The following PPP1R16B variants were observed in gnomAD, a reference collection of about 807,000 sequenced individuals.
The protein encoded by PPP1R16B is protein phosphatase 1 regulatory inhibitor subunit 16B.
A neutral mutation model predicts 61.7 loss-of-function variants in PPP1R16B; 14 were observed. The ratio of observed to expected loss-of-function variants is 0.23; its 90% CI spans 0.15 to 0.35. The LOEUF (loss-of-function observed/expected upper bound fraction) is 0.35, where lower values mean the gene tolerates loss of function less well. PPP1R16B is among the 10% of genes least tolerant of loss of function. PPP1R16B has a pLI of 1.00. For missense variants in PPP1R16B, 547 were observed against 752.5 expected (o/e 0.73, Z 3.19); for synonymous variants, 266 against 305.3 (o/e 0.87, Z 1.34).
In PPP1R16B at chr20:38,921,017, G is replaced by C. The variant is rs536347144; in HGVS notation, c.*2351G>C. The C allele has an allele frequency of 6.6e-6, 1 of 152,410 alleles. No individual in the cohort carries two copies. The highest frequency in any genetic ancestry group is 2.1e-4 in the South Asian group (1 of 4,830). 9.4% of individuals were successfully genotyped at this position (152,410 alleles called of 1,614,324 possible). ...TTTGCTCAGGGGCCAAACACTGAAG[G>C]CACGTACTGCCCAACCCACTGAGCG... On this transcript the variant is annotated 3_prime_UTR_variant, in exon 11 of 11. Transcript: ENST00000299824.
At chr20:38,867,684 T>C (rs528538300) in intron 2 of PPP1R16B, among the ~76,000 whole-genome samples, 3 of 151,680 alleles carry the variant, frequency 2.0e-5, no homozygotes, top group East Asian at 1.9e-4. Flanking sequence ...TTCTTTTTTT[T>C]CCCCCCGAGA....
At chr20:38,902,826 A>C in intron 6 of PPP1R16B, 34 bp downstream of exon 6, 1 of 1,613,514 alleles carries the variant, frequency 6.2e-7, no homozygotes, top group East Asian at 2.2e-5. Context: ...AACCAAGACC[A>C]GCTAGGTCCG....
At chr20:38,814,402 C>T (rs1471057020) in intron 1 of PPP1R16B, among the ~76,000 whole-genome samples, 1 of 152,114 alleles carries the variant, frequency 6.6e-6, no homozygotes, top group East Asian at 1.9e-4. Flanking sequence ...GGGTTTGATT[C>T]CTACCTCCAG....
intron 1 of PPP1R16B, among the ~76,000 whole-genome samples, chr20:38,830,197 T>G (rs1007080088): frequency 2.0e-5 from 3 of 152,254 alleles, no homozygotes; most frequent in Non-Finnish European, 4.4e-5. Context: ...CTCCCATGTG[T>G]CTGTGCCATC....
In PPP1R16B at chr20:38,918,323, G is replaced by A. The variant is rs753378652; in HGVS notation, c.1361G>A (p.Ser454Asn). 6.2e-7 allele frequency: 1 copy of A among 1,614,214 alleles called. No individual in the cohort carries two copies. Residue 454 changes from serine (S) to asparagine (N), a missense_variant, in exon 11 of 11, where the codon AGC (serine) becomes AAC (asparagine). Ser to Asn is a conservative substitution (Grantham distance 46). Coordinates refer to ENST00000299824, the MANE Select transcript of PPP1R16B (RefSeq NM_015568.4). The surrounding 1 kb of genome is among the most constrained non-coding windows in gnomAD (Gnocchi z 5.3). ...VWKVHEVPDY[S>N]MAYGNPGVAD... ...AAGGTGCATGAGGTGCCTGACTACAGCATGGCCTATGGCAACCCTGGCGTG... is the reference window on the plus strand; with the variant it reads ...AAGGTGCATGAGGTGCCTGACTACAACATGGCCTATGGCAACCCTGGCGTG...
At chr20:38,891,592 G>T (rs1281454267) in intron 3 of PPP1R16B, among the ~76,000 whole-genome samples, 3 of 152,176 alleles carry the variant, frequency 2.0e-5, no homozygotes, top group African/African-American at 7.2e-5. Context: ...CTGAAGTCAG[G>T]AGTTCAAGAC....
intron 1 of PPP1R16B, among the ~76,000 whole-genome samples, chr20:38,809,254 G>T (rs935029880): frequency 6.6e-6 from 1 of 151,774 alleles, no homozygotes; most frequent in African/African-American, 2.4e-5. Context: ...TGGGGCGGGG[G>T]TGGGGGCTCA....
At chr20:38,821,040 CA>C (rs11483114) in intron 1 of PPP1R16B, among the ~76,000 whole-genome samples, 132 of 121,548 alleles carry the variant, frequency 1.1e-3, no homozygotes, top group Non-Finnish European at 1.6e-3. Context: ...GACTCCGTCT[CA>C]AAAAAAAAAA....
chr20:38,912,447 C>G (rs2085499289), intron 10 of PPP1R16B, among the ~76,000 whole-genome samples: 2 of 143,808 alleles, frequency 1.4e-5, no homozygotes, highest in Non-Finnish European at 3.0e-5. Context: ...GTGGGAGGAT[C>G]TTCTGAGCCT....
chr20:38,918,054 G>C lies in PPP1R16B; in HGVS notation c.1195-103G>C. The C allele has an allele frequency of 6.9e-7, 1 of 1,449,240 alleles. No individual in the cohort carries two copies. The highest frequency in any genetic ancestry group is 9.4e-7 in the Non-Finnish European group (1 of 1,065,394). The allele number at this position is 1,449,240 out of a possible 1,614,324, so 89.8% of individuals were successfully genotyped here. On this transcript the variant is annotated intron_variant, in intron 10 of 10. Transcript: ENST00000299824. This position sits in a 1 kb window ranked among gnomAD's most constrained non-coding sequence, Gnocchi z 5.3. ...CCCCGATACCCAGGGAGAGAAAACA[G>C]ATAGAGGAAAAGTCCAAACAATAAT... is the stretch of plus-strand genomic sequence containing the variant.
At chr20:38,861,624 G>A (rs2085051383) in intron 2 of PPP1R16B, among the ~76,000 whole-genome samples, 1 of 150,860 alleles carries the variant, frequency 6.6e-6, no homozygotes. Context: ...TCAATCTGCT[G>A]TTGCCACTTG....
intron 2 of PPP1R16B, among the ~76,000 whole-genome samples, chr20:38,868,331 TA>T (rs970198752): frequency 1.2e-4 from 18 of 151,584 alleles, no homozygotes; most frequent in African/African-American, 3.1e-4. Context: ...TACATGCAGT[TA>T]AAAAAAATAC....
chr20:38,810,727 GA>G (rs1248901804), intron 1 of PPP1R16B, among the ~76,000 whole-genome samples: 1 of 152,162 alleles, frequency 6.6e-6, no homozygotes, highest in Non-Finnish European at 1.5e-5. Flanking sequence ...CATCGCCATT[GA>G]ATTCTCATAC....
chr20:38,821,400 A>G (rs1434907204), intron 1 of PPP1R16B, among the ~76,000 whole-genome samples: 1 of 152,228 alleles, frequency 6.6e-6, no homozygotes, highest in East Asian at 1.9e-4. Flanking sequence ...GGGAAGCACT[A>G]TGAAGCTCTG....
At position 38,836,107 on chromosome 20, in the gene PPP1R16B, G is replaced by T. The variant is rs1234041875; in HGVS notation, c.182G>T (p.Arg61Leu). Residue 61 changes from arginine (R) to leucine (L), a missense_variant, in exon 2 of 11, where the codon CGC becomes CTC. Physicochemically the swap from Arg to Leu is moderately radical, Grantham distance 102. Transcript: ENST00000299824. Reference sequence around the variant, plus strand: ...CGGAAGCGCAGCACGGGCGGCCGCCGCAAGAAAGTGTCCTTCGAGGCCAGC... The same window carrying T: ...CGGAAGCGCAGCACGGGCGGCCGCCTCAAGAAAGTGTCCTTCGAGGCCAGC... Reference protein sequence around the residue: ...HERKRSTGGRRKKVSFEASVA... With the variant: ...HERKRSTGGRLKKVSFEASVA... The T allele has an allele frequency of 1.2e-6, 2 of 1,612,388 alleles. No homozygotes were observed. Among genetic ancestry groups the T allele is most frequent in the Non-Finnish European group, 1.7e-6 (2 of 1,179,902 alleles).
Position 38,919,531 on chromosome 20 carries a change from T to C in PPP1R16B, c.*865T>C, listed in dbSNP as rs1379199482. 1.3e-5 allele frequency: 2 copies of C among 152,210 alleles called. No homozygotes were observed. Among genetic ancestry groups the C allele is most frequent in the Admixed American group, 1.3e-4 (2 of 15,286 alleles). 9.4% of individuals were successfully genotyped at this position (152,210 alleles called of 1,614,324 possible). A position where few individuals can be genotyped will look rare whatever the true frequency, so the allele number is the denominator to read the frequency against. Reference sequence around the variant, plus strand: ...ACCAAAGTGTATCTGATTTTAAAAATTCCTTTAGTCTGTAAAACTCCTAGA... The same window carrying C: ...ACCAAAGTGTATCTGATTTTAAAAACTCCTTTAGTCTGTAAAACTCCTAGA... On this transcript the variant is annotated 3_prime_UTR_variant, in exon 11 of 11. Coordinates refer to ENST00000299824, the MANE Select transcript of PPP1R16B (RefSeq NM_015568.4).
chr20:38,829,239 G>A (rs1200910612), intron 1 of PPP1R16B, among the ~76,000 whole-genome samples: 1 of 152,176 alleles, frequency 6.6e-6, no homozygotes, highest in Non-Finnish European at 1.5e-5. Context: ...CAGACTTCCT[G>A]CTGGCCACAG....
chr20:38,895,914 T>TC (rs1353234328), intron 4 of PPP1R16B, among the ~76,000 whole-genome samples: 7 of 76,344 alleles, frequency 9.2e-5, no homozygotes, highest in African/African-American at 1.8e-4. Context: ...TCCTTCTTTC[T>TC]TCCCTCCCTC....
At chr20:38,865,746 G>T (rs1013837666) in intron 2 of PPP1R16B, among the ~76,000 whole-genome samples, 2 of 152,100 alleles carry the variant, frequency 1.3e-5, no homozygotes, top group African/African-American at 4.8e-5. Flanking sequence ...TCCTATCTCC[G>T]GGTCTCCTGC....
Sources: gnomAD v4.1 joint callset for allele counts (sites outside exome capture counted in the v4.1 genomes callset) on GRCh38, gnomAD v4.1.1 for gene constraint, Gnocchi (gnomAD v3.1) non-coding constraint, MANE v1.5 for transcripts, NCBI Gene and HGNC (gene_info 2026-07-23, HGNC 2026-07-21) for gene names.